Variants in SUGCT observed in about 807,000 individuals in gnomAD.
SUGCT encodes succinyl-CoA:glutarate-CoA transferase, also known as succinyl-CoA:glutarate CoA-transferase.
SUGCT carries 41 observed loss-of-function variants against 55.0 expected under a neutral mutation model. The observed-to-expected ratio is 0.74, with a 90% CI of 0.58 to 0.97. The LOEUF (loss-of-function observed/expected upper bound fraction) is 0.97. Ranked by LOEUF, SUGCT falls within the 50% of genes least tolerant of loss-of-function variation. SUGCT has a pLI of 0.00. For missense variants in SUGCT, 568 were observed against 547.8 expected, an observed-to-expected ratio of 1.04 and a Z score of -0.37; for synonymous variants, 187 against 200.4, an observed-to-expected ratio of 0.93 and a Z score of 0.56.
chr7:40,342,443 C>T (rs1241791536), intron 9 of SUGCT, among the ~76,000 whole-genome samples: 1 of 152,142 alleles, frequency 6.6e-6, no homozygotes, highest in African/African-American at 2.4e-5. Context: ...AAGCTACACA[C>T]CCCTGTTTAG....
chr7:40,794,818 A>T (rs1790473878), intron 13 of SUGCT, among the ~76,000 whole-genome samples: 1 of 152,150 alleles, frequency 6.6e-6, no homozygotes, highest in African/African-American at 2.4e-5. Flanking sequence ...CAGGATAGTT[A>T]GTCCACCATA....
At chr7:40,669,428 A>G (rs1408964633) in intron 12 of SUGCT, among the ~76,000 whole-genome samples, 1 of 151,990 alleles carries the variant, frequency 6.6e-6, no homozygotes, top group Non-Finnish European at 1.5e-5. Flanking sequence ...GACACTCAAT[A>G]GATGCCAACA....
At chr7:40,400,645 C>T (rs1345864178) in intron 9 of SUGCT, among the ~76,000 whole-genome samples, 1 of 152,152 alleles carries the variant, frequency 6.6e-6, no homozygotes, top group Non-Finnish European at 1.5e-5. Flanking sequence ...AGGAGCAGTG[C>T]ATAAACTGCT....
chr7:40,344,603 C>A (rs1012226658), intron 9 of SUGCT, among the ~76,000 whole-genome samples: 1 of 152,184 alleles, frequency 6.6e-6, no homozygotes, highest in Non-Finnish European at 1.5e-5. Context: ...CGGAGTTGAG[C>A]AGTTGCAACA....
At chr7:40,512,950 G>A (rs1046177265) in intron 12 of SUGCT, among the ~76,000 whole-genome samples, 2 of 152,132 alleles carry the variant, frequency 1.3e-5, no homozygotes, top group East Asian at 3.9e-4. Flanking sequence ...TGGAAGTGGA[G>A]CAGATAGACT....
intron 3 of SUGCT, among the ~76,000 whole-genome samples, chr7:40,182,349 T>C (rs1188631438): frequency 6.6e-6 from 1 of 151,928 alleles, no homozygotes; most frequent in African/African-American, 2.4e-5. Context: ...GGCAGATCAC[T>C]TGAGGTCAGG....
At chr7:40,649,384 C>T (rs780460490) in intron 12 of SUGCT, among the ~76,000 whole-genome samples, 24 of 152,060 alleles carry the variant, frequency 1.6e-4, no homozygotes, top group Non-Finnish European at 2.4e-4. Flanking sequence ...TTACATGTCA[C>T]ACCTCTGCTT....
At chr7:40,582,428 T>C (rs547885099) in intron 12 of SUGCT, among the ~76,000 whole-genome samples, 1 of 152,226 alleles carries the variant, frequency 6.6e-6, no homozygotes, top group Non-Finnish European at 1.5e-5. Context: ...ATTTTGCCAC[T>C]ACACTATTAT....
At chr7:40,474,491 C>G (rs1268634784) in intron 11 of SUGCT, among the ~76,000 whole-genome samples, 2 of 152,062 alleles carry the variant, frequency 1.3e-5, no homozygotes, top group Non-Finnish European at 2.9e-5. Context: ...TGATGGTTTC[C>G]CCTGGAGGTG....
chr7:40,542,129 A>G (rs956517103), intron 12 of SUGCT, among the ~76,000 whole-genome samples: 1 of 152,222 alleles, frequency 6.6e-6, no homozygotes, highest in African/African-American at 2.4e-5. Flanking sequence ...CAAAGTAAAG[A>G]TAATGAACAG....
chr7:40,283,256 T>G (rs1463622310), intron 8 of SUGCT, among the ~76,000 whole-genome samples: 1 of 149,348 alleles, frequency 6.7e-6, no homozygotes, highest in Non-Finnish European at 1.5e-5. Flanking sequence ...TGAGACGGAG[T>G]CTTGCTCTGT....
chr7:40,721,720 T>G (rs1786347337), intron 12 of SUGCT, among the ~76,000 whole-genome samples: 2 of 152,242 alleles, frequency 1.3e-5, no homozygotes, highest in South Asian at 4.1e-4. Flanking sequence ...TGTTCCTGTT[T>G]TAGGATGGAC....
At chr7:40,943,345 ATG>A in the SUGCT span, among the ~76,000 whole-genome samples, 2 of 150,626 alleles carry the variant, frequency 1.3e-5, no homozygotes, top group Non-Finnish European at 3.0e-5. Flanking sequence ...TTAGTTACAT[ATG>A]TATACATGTG....
chr7:40,448,649 C>T (rs1788994985), intron 9 of SUGCT, among the ~76,000 whole-genome samples: 1 of 152,078 alleles, frequency 6.6e-6, no homozygotes, highest in African/African-American at 2.4e-5. Context: ...GGTTTAAGAC[C>T]TGCCTGGGCA....
At chr7:40,498,250 T>C (rs1167399647) in intron 12 of SUGCT, among the ~76,000 whole-genome samples, 1 of 152,212 alleles carries the variant, frequency 6.6e-6, no homozygotes, top group Non-Finnish European at 1.5e-5. Flanking sequence ...ACCCTCCAGA[T>C]GACATCTAAC....
the SUGCT span, among the ~76,000 whole-genome samples, chr7:40,909,713 A>G: frequency 1.3e-5 from 2 of 152,152 alleles, no homozygotes; most frequent in South Asian, 2.1e-4. Context: ...CAACTACTCC[A>G]CTTGTCTGAT....
the SUGCT span, among the ~76,000 whole-genome samples, chr7:40,969,573 T>G: frequency 6.6e-6 from 1 of 152,118 alleles, no homozygotes; most frequent in Non-Finnish European, 1.5e-5. Context: ...TCCAGGCTGG[T>G]CTTGAACTCC....
intron 9 of SUGCT, among the ~76,000 whole-genome samples, chr7:40,392,315 T>C (rs1785481105): frequency 6.6e-6 from 1 of 152,048 alleles, no homozygotes; most frequent in South Asian, 2.1e-4. Context: ...AGAATAGTCA[T>C]AATACAAATT....
chr7:40,316,733 T>C lies in SUGCT; in HGVS notation c.721-27T>C, dbSNP rs762144524. Reference sequence around the variant, plus strand: ...GTATAGATAAACTAGCTGTTCTATTTTATTTATTTACTTTTTTTCCTGGTA... The same window carrying C: ...GTATAGATAAACTAGCTGTTCTATTCTATTTATTTACTTTTTTTCCTGGTA... On this transcript the variant is annotated intron_variant, in intron 8 of 13. Coordinates refer to ENST00000335693, the MANE Select transcript of SUGCT (RefSeq NM_001193313.2). 8.4e-6 allele frequency: 12 copies of C among 1,434,708 alleles called. No homozygotes were observed. The African/African-American group carries it at 1.7e-4, about 20-fold the overall frequency. 88.9% of individuals were successfully genotyped at this position (1,434,708 alleles called of 1,614,324 possible).
Sources: gnomAD v4.1 joint callset for allele counts (sites outside exome capture counted in the v4.1 genomes callset) on GRCh38, gnomAD v4.1.1 for gene constraint, MANE v1.5 for transcripts, NCBI Gene and HGNC (gene_info 2026-07-23, HGNC 2026-07-21) for gene names.